The following SVOP variants were observed in gnomAD, a reference collection of about 807,000 sequenced individuals.
The protein encoded by SVOP is SV2 related protein.
A neutral mutation model predicts 69.1 loss-of-function variants in SVOP; 17 were observed. The ratio of observed to expected loss-of-function variants is 0.25; its 90% CI spans 0.17 to 0.37. SVOP has a LOEUF of 0.37. Ranked by LOEUF, SVOP falls within the 10% of genes least tolerant of loss-of-function variation. SVOP has a pLI of 1.00. For synonymous variants in SVOP, 238 were observed against 238.6 expected, an observed-to-expected ratio of 1.00 and a Z score of 0.02; for missense variants, 435 against 597.5, an observed-to-expected ratio of 0.73 and a Z score of 2.84.
At chr12:108,976,507 A>G (rs2040107048) in intron 4 of SVOP, among the ~76,000 whole-genome samples, 3 of 152,148 alleles carry the variant, frequency 2.0e-5, no homozygotes, top group African/African-American at 7.2e-5. Flanking sequence ...TATTGTATGC[A>G]ATGTAGGTAA....
intron 6 of SVOP, among the ~76,000 whole-genome samples, chr12:108,950,148 T>C (rs2039946132): frequency 6.6e-6 from 1 of 152,056 alleles, no homozygotes; most frequent in South Asian, 2.1e-4. Context: ...ACTGCAGCCT[T>C]GAGCTCCTGG....
At chr12:108,942,012 C>T (rs1230809618) in intron 7 of SVOP, among the ~76,000 whole-genome samples, 1 of 152,188 alleles carries the variant, frequency 6.6e-6, no homozygotes, top group Non-Finnish European at 1.5e-5. Flanking sequence ...CCTCCATCCC[C>T]AGCCCCTTGG....
intron 5 of SVOP, among the ~76,000 whole-genome samples, 194 bp downstream of exon 5, chr12:108,972,211 A>G (rs1452178956): frequency 6.6e-6 from 1 of 151,732 alleles, no homozygotes; most frequent in Non-Finnish European, 1.5e-5. Context: ...TGAAATGTAT[A>G]TGCGTGGGCC....
At chr12:108,948,758 A>G (rs939730292) in intron 6 of SVOP, among the ~76,000 whole-genome samples, 2 of 152,170 alleles carry the variant, frequency 1.3e-5, no homozygotes, top group African/African-American at 4.8e-5. Flanking sequence ...AGTTGTTCCA[A>G]TTTATATTCC....
At chr12:108,966,550 G>A (rs2040046873) in intron 5 of SVOP, among the ~76,000 whole-genome samples, 1 of 152,150 alleles carries the variant, frequency 6.6e-6, no homozygotes, top group Non-Finnish European at 1.5e-5. Flanking sequence ...TGCCTGGCTT[G>A]CACAGTGTTC....
intron 1 of SVOP, among the ~76,000 whole-genome samples, chr12:109,014,703 G>T (rs2040359041): frequency 6.6e-6 from 1 of 152,032 alleles, no homozygotes; most frequent in Non-Finnish European, 1.5e-5. Flanking sequence ...ACCAACATTT[G>T]TTATTTTCTG....
intron 11 of SVOP, 41 bp downstream of exon 11, chr12:108,934,154 T>C: frequency 6.5e-7 from 1 of 1,538,478 alleles, no homozygotes; most frequent in Non-Finnish European, 8.9e-7. Context: ...GTGCCGAGGG[T>C]GTGGGAGTAG....
Position 108,964,754 on chromosome 12 carries a change from C to T in SVOP, c.454-3707G>A, listed in dbSNP as rs547870052. Among the ~76,000 whole-genome samples the T allele has an allele frequency of 1.5e-4, 23 of 152,246 alleles. No homozygotes were observed. The South Asian group carries it at 1.9e-3, about 12-fold the overall frequency. On this transcript the variant is annotated intron_variant, in intron 5 of 15. Transcript: ENST00000610966. ...TTTTCATTAACTATGACTGTCATTC[C>T]GTCTAATATCTGTTCTGCCCTCTAT...
intron 13 of SVOP, among the ~76,000 whole-genome samples, chr12:108,919,176 C>A (rs889121003): frequency 2.0e-5 from 3 of 149,496 alleles, no homozygotes; most frequent in Non-Finnish European, 4.4e-5. Flanking sequence ...CACACTTGTA[C>A]CTACACTTGG....
chr12:108,981,258 T>C (rs1245970854), intron 2 of SVOP, among the ~76,000 whole-genome samples: 2 of 152,218 alleles, frequency 1.3e-5, no homozygotes, highest in Non-Finnish European at 1.5e-5. Flanking sequence ...TAAGGCCTAG[T>C]AGTAGCCCCA....
In SVOP at chr12:108,922,047, T is replaced by C. The variant is rs1220392808; in HGVS notation, c.1156+643A>G. 2.0e-5 allele frequency among the ~76,000 whole-genome samples: 3 copies of C among 152,214 alleles called. No homozygotes were observed. In the South Asian group the frequency reaches 6.2e-4, roughly 31 times the overall value. On this transcript the variant is annotated intron_variant, in intron 12 of 15. Coordinates refer to ENST00000610966, the MANE Select transcript of SVOP (RefSeq NM_018711.5). Reference sequence around the variant, plus strand: ...TACTGTTCCTTTCCAGTGTGCCTGGTGTTGGAGGATGATTCTCCATGGGTT... The same window carrying C: ...TACTGTTCCTTTCCAGTGTGCCTGGCGTTGGAGGATGATTCTCCATGGGTT...
chr12:108,978,064 C>A lies in SVOP; in HGVS notation c.282+514G>T, dbSNP rs146015573. On this transcript the variant is annotated intron_variant, in intron 3 of 15. Transcript: ENST00000610966. ...GGAATTTGGTATACGATAAAGGCAG[C>A]TTTTCCAATTAGGGGGGGAAATGTT... Among the ~76,000 whole-genome samples the A allele has an allele frequency of 1.7e-3, 261 of 152,182 alleles. 1 individual carries two copies. The highest frequency in any genetic ancestry group is 6.0e-3 in the African/African-American group (251 of 41,528).
intron 1 of SVOP, among the ~76,000 whole-genome samples, chr12:109,015,536 G>A (rs2040363092): frequency 6.6e-6 from 1 of 152,178 alleles, no homozygotes; most frequent in African/African-American, 2.4e-5. Flanking sequence ...ATGGGGCCAG[G>A]CATGGTGGCT....
intron 6 of SVOP, among the ~76,000 whole-genome samples, chr12:108,949,061 T>C (rs139301607): frequency 0.56 from 85,177 of 152,026 alleles, 24,409 homozygotes; most frequent in South Asian, 0.64. Flanking sequence ...TTTGTTTTTA[T>C]AACAAACCTA....
intron 7 of SVOP, among the ~76,000 whole-genome samples, chr12:108,941,896 C>T (rs896456705): frequency 6.6e-6 from 1 of 152,112 alleles, no homozygotes; most frequent in South Asian, 2.1e-4. Flanking sequence ...AACTCCTGAC[C>T]TCATGGGATC....
At chr12:108,962,348 C>T (rs1320210409) in intron 5 of SVOP, among the ~76,000 whole-genome samples, 9 of 152,212 alleles carry the variant, frequency 5.9e-5, no homozygotes, top group Non-Finnish European at 8.8e-5. Flanking sequence ...ATCCACCCAC[C>T]TCAGCCTCCC....
At chr12:108,970,321 T>C (rs1368136918) in intron 5 of SVOP, among the ~76,000 whole-genome samples, 3 of 152,232 alleles carry the variant, frequency 2.0e-5, no homozygotes, top group African/African-American at 7.2e-5. Context: ...CCTGGGTAAG[T>C]TGCCCACTCT....
chr12:108,991,775 A>C (rs1028067704), intron 1 of SVOP, among the ~76,000 whole-genome samples: 2 of 27,534 alleles, frequency 7.3e-5, no homozygotes, highest in Non-Finnish European at 6.7e-4. Flanking sequence ...CCATCTCTAC[A>C]AAAAAAAACA....
chr12:108,914,944 G>A (rs1380308521), intron 15 of SVOP, among the ~76,000 whole-genome samples: 2 of 151,550 alleles, frequency 1.3e-5, no homozygotes, highest in African/African-American at 4.8e-5. Flanking sequence ...GGAGGCCGAG[G>A]CAGGCAGATC....
Sources: allele counts gnomAD v4.1 joint callset (sites outside exome capture counted in the v4.1 genomes callset), GRCh38; gene constraint gnomAD v4.1.1; transcripts MANE v1.5; gene names NCBI Gene and HGNC (gene_info 2026-07-23, HGNC 2026-07-21).